Variants in AKAP19 observed in about 807,000 individuals in gnomAD.
AKAP19 encodes A-kinase anchoring protein 19, also known as small A-kinase anchoring protein.
the AKAP19 span, among the ~76,000 whole-genome samples, chr2:189,950,750 T>C: frequency 6.6e-6 from 1 of 152,218 alleles, no homozygotes; most frequent in Non-Finnish European, 1.5e-5. Context: ...TTTACATTAC[T>C]TTTCTTCCCA....
At chr2:189,938,592 G>A in the AKAP19 span, among the ~76,000 whole-genome samples, 1 of 151,986 alleles carries the variant, frequency 6.6e-6, no homozygotes. Context: ...AGGGTGGTGG[G>A]GATGGTTAAT....
At chr2:189,889,541 G>A in the AKAP19 span, among the ~76,000 whole-genome samples, 1 of 152,194 alleles carries the variant, frequency 6.6e-6, no homozygotes, top group African/African-American at 2.4e-5. Context: ...GAATTCGGCT[G>A]TGAATCTGTC....
chr2:189,884,802 G>C, the AKAP19 span, among the ~76,000 whole-genome samples: 1 of 152,160 alleles, frequency 6.6e-6, no homozygotes, highest in Admixed American at 6.5e-5. Flanking sequence ...AAGTAGGTCT[G>C]GGGTAGAGTC....
chr2:189,940,306 C>T, the AKAP19 span, among the ~76,000 whole-genome samples: 6 of 140,266 alleles, frequency 4.3e-5, no homozygotes, highest in South Asian at 2.3e-4. Flanking sequence ...ATTAGCCAGG[C>T]GTGGTGGCAG....
At chr2:190,080,731 A>G in the AKAP19 span, among the ~76,000 whole-genome samples, 14 of 152,222 alleles carry the variant, frequency 9.2e-5, no homozygotes, top group Non-Finnish European at 1.9e-4. Context: ...AGAGAATTAT[A>G]CAAGGGTCTG....
chr2:190,077,556 G>A, the AKAP19 span, among the ~76,000 whole-genome samples: 4 of 152,084 alleles, frequency 2.6e-5, no homozygotes, highest in Admixed American at 6.5e-5. Context: ...CACCTGCCTC[G>A]GCCTCCCAAG....
the AKAP19 span, among the ~76,000 whole-genome samples, chr2:190,129,828 T>G: frequency 6.6e-6 from 1 of 152,186 alleles, no homozygotes; most frequent in South Asian, 2.1e-4. Flanking sequence ...GAACTGGCTG[T>G]AGGTACAACT....
At chr2:189,988,375 C>T in the AKAP19 span, among the ~76,000 whole-genome samples, 1 of 152,158 alleles carries the variant, frequency 6.6e-6, no homozygotes, top group South Asian at 2.1e-4. Context: ...TTTAGAATTC[C>T]ATCCCCTCTC....
the AKAP19 span, among the ~76,000 whole-genome samples, chr2:190,119,845 T>G: frequency 6.6e-6 from 1 of 151,776 alleles, no homozygotes; most frequent in African/African-American, 2.4e-5. Flanking sequence ...AAATGAAAAG[T>G]GGTAATGCTG....
chr2:190,111,928 C>T, the AKAP19 span, among the ~76,000 whole-genome samples: 4 of 151,974 alleles, frequency 2.6e-5, no homozygotes, highest in Non-Finnish European at 4.4e-5. Context: ...GATGGAGTCT[C>T]GCTCTGTCGC....
chr2:190,181,130 T>G, the AKAP19 span: 3 of 985,194 alleles, frequency 3.0e-6, no homozygotes, highest in Admixed American at 1.2e-4. Flanking sequence ...ATCTGGGAGG[T>G]GGGTGACTGG....
chr2:190,031,847 GTT>G, the AKAP19 span, among the ~76,000 whole-genome samples: 1 of 152,060 alleles, frequency 6.6e-6, no homozygotes, highest in Non-Finnish European at 1.5e-5. Flanking sequence ...TGCTGGGTCA[GTT>G]TTTTAAAAAA....
the AKAP19 span, among the ~76,000 whole-genome samples, chr2:189,897,444 T>A: frequency 6.6e-6 from 1 of 152,182 alleles, no homozygotes; most frequent in Non-Finnish European, 1.5e-5. Flanking sequence ...AACTACATAG[T>A]TAAAATATTA....
chr2:189,904,904 C>T, the AKAP19 span, among the ~76,000 whole-genome samples: 16 of 151,838 alleles, frequency 1.1e-4, no homozygotes, highest in Non-Finnish European at 4.4e-5. Context: ...CAAGAATATT[C>T]GGAATGAAAC....
chr2:190,118,960 T>C, the AKAP19 span, among the ~76,000 whole-genome samples: 1 of 152,234 alleles, frequency 6.6e-6, no homozygotes, highest in South Asian at 2.1e-4. Flanking sequence ...ATTGTATATC[T>C]AGAAAACTCC....
At chr2:190,146,303 A>C in the AKAP19 span, among the ~76,000 whole-genome samples, 1 of 152,206 alleles carries the variant, frequency 6.6e-6, no homozygotes, top group African/African-American at 2.4e-5. Flanking sequence ...AGGTCACTGC[A>C]AATGCTGTTA....
the AKAP19 span, among the ~76,000 whole-genome samples, chr2:190,040,938 G>A: frequency 6.6e-6 from 1 of 152,112 alleles, no homozygotes; most frequent in South Asian, 2.1e-4. Context: ...ATAATATATA[G>A]TTTAAAGTCA....
chr2:190,009,731 G>A, the AKAP19 span, among the ~76,000 whole-genome samples: 14 of 152,154 alleles, frequency 9.2e-5, no homozygotes, highest in Non-Finnish European at 2.1e-4. Flanking sequence ...AGCATTTAAA[G>A]CCATGAGACT....
At chr2:190,141,285 T>C in the AKAP19 span, among the ~76,000 whole-genome samples, 898 of 152,328 alleles carry the variant, frequency 5.9e-3, 10 homozygotes, top group East Asian at 0.071. Context: ...CTGCCTGTTA[T>C]GCAGTTTCAA....
Sources: gnomAD v4.1 joint callset for allele counts (sites outside exome capture counted in the v4.1 genomes callset) on GRCh38, gnomAD v4.1.1 for gene constraint, MANE v1.5 for transcripts, NCBI Gene and HGNC (gene_info 2026-07-23, HGNC 2026-07-21) for gene names.